Variants in ATP2B1 observed in about 807,000 individuals in gnomAD.
ATP2B1 encodes the protein ATPase plasma membrane Ca2+ transporting 1.
Under a neutral mutation model 124.2 loss-of-function variants are expected in ATP2B1, and 14 were observed. That is an observed-to-expected ratio of 0.11 (90% confidence interval 0.07 to 0.18). ATP2B1 has a LOEUF of 0.18. Among genes scored for constraint, ATP2B1 ranks in the 10% least tolerant of loss-of-function variants. The pLI is 1.00. For synonymous variants in ATP2B1, 449 were observed against 492.4 expected (o/e 0.91, Z 1.17); for missense variants, 763 against 1,466.1 (o/e 0.52, Z 7.83).
At chr12:89,681,942 A>G (rs897180756) in intron 1 of ATP2B1, among the ~76,000 whole-genome samples, 1 of 152,188 alleles carries the variant, frequency 6.6e-6, no homozygotes, top group South Asian at 2.1e-4. Context: ...AACTAGAAAC[A>G]TAAGAATTAG....
At chr12:89,653,548 C>T (rs568737659) in intron 2 of ATP2B1, among the ~76,000 whole-genome samples, 4 of 152,060 alleles carry the variant, frequency 2.6e-5, no homozygotes, top group Non-Finnish European at 4.4e-5. Flanking sequence ...CCACCCGCCT[C>T]GGCCTCCCAA....
At chr12:89,637,702 T>C (rs1882915957) in intron 3 of ATP2B1, among the ~76,000 whole-genome samples, 1 of 152,164 alleles carries the variant, frequency 6.6e-6, no homozygotes, top group South Asian at 2.1e-4. Flanking sequence ...CCCAGCTTTA[T>C]CTTTTACTTT....
chr12:89,636,027 T>C (rs1034164610), intron 3 of ATP2B1, among the ~76,000 whole-genome samples: 9 of 151,914 alleles, frequency 5.9e-5, no homozygotes, highest in Non-Finnish European at 1.2e-4. Context: ...AAGAAAAACA[T>C]AGTGATGTGC....
At chr12:89,699,558 G>A (rs934638381) in intron 1 of ATP2B1, among the ~76,000 whole-genome samples, 1 of 152,158 alleles carries the variant, frequency 6.6e-6, no homozygotes, top group African/African-American at 2.4e-5. Context: ...ATTTTCAAGA[G>A]AGAAAAATCA....
chr12:89,695,521 C>T (rs1486113965), intron 1 of ATP2B1, among the ~76,000 whole-genome samples: 2 of 151,966 alleles, frequency 1.3e-5, no homozygotes, highest in Non-Finnish European at 2.9e-5. Flanking sequence ...CCTGCCAAGA[C>T]ACCTTTAAAT....
chr12:89,615,777 CAT>C (rs1400633521), intron 12 of ATP2B1, among the ~76,000 whole-genome samples: 2 of 152,154 alleles, frequency 1.3e-5, no homozygotes, highest in Admixed American at 6.6e-5. Flanking sequence ...CTTTTAAGCA[CAT>C]GTGTTTTAGA....
At chr12:89,591,722 T>TAAA (rs1873608198) in intron 20 of ATP2B1, among the ~76,000 whole-genome samples, 1 of 152,018 alleles carries the variant, frequency 6.6e-6, no homozygotes, top group Admixed American at 6.6e-5. Context: ...GGTTACTATT[T>TAAA]ATCATGCTAG....
At chr12:89,601,883 C>T (rs968320894) in intron 18 of ATP2B1, among the ~76,000 whole-genome samples, 1 of 151,962 alleles carries the variant, frequency 6.6e-6, no homozygotes, top group Non-Finnish European at 1.5e-5. Flanking sequence ...GAAAAATGCA[C>T]AATATTAAAA....
At chr12:89,607,190 GA>G (rs895877245) in intron 15 of ATP2B1, among the ~76,000 whole-genome samples, 1 of 152,020 alleles carries the variant, frequency 6.6e-6, no homozygotes, top group Non-Finnish European at 1.5e-5. Context: ...CAGGATAAGA[GA>G]AAAAAAATTC....
chr12:89,678,874 G>A (rs1370634831), intron 1 of ATP2B1, among the ~76,000 whole-genome samples: 3 of 152,048 alleles, frequency 2.0e-5, no homozygotes, highest in Admixed American at 2.0e-4. Context: ...AATATGCTAG[G>A]CATCCACAGT....
chr12:89,676,269 T>C (rs1222675054), intron 1 of ATP2B1, among the ~76,000 whole-genome samples: 2 of 152,164 alleles, frequency 1.3e-5, no homozygotes, highest in Middle Eastern at 3.2e-3. Context: ...TACAAAATCA[T>C]GTAAGGTATT....
chr12:89,618,100 T>C (rs775401009), intron 11 of ATP2B1, among the ~76,000 whole-genome samples: 15 of 152,036 alleles, frequency 9.9e-5, no homozygotes, highest in African/African-American at 2.4e-4. Flanking sequence ...ATTTTTTTTT[T>C]CCCTCTAACC....
intron 1 of ATP2B1, among the ~76,000 whole-genome samples, chr12:89,673,907 AG>A (rs1888296734): frequency 6.6e-6 from 1 of 152,238 alleles, no homozygotes; most frequent in Non-Finnish European, 1.5e-5. Flanking sequence ...AACAGTTTAC[AG>A]CTAGTTTCTT....
At position 89,630,523 on chromosome 12, in the gene ATP2B1, T is replaced by G; in HGVS notation, c.910A>C (p.Lys304Gln). The G allele has an allele frequency of 6.4e-7, 1 of 1,571,998 alleles. No individual in the cohort carries two copies. The highest frequency in any genetic ancestry group is 8.6e-7 in the Non-Finnish European group (1 of 1,161,010). The change falls in exon 6 of 21, where the codon AAG becomes CAG. Residue 304 changes from lysine to glutamine, a missense_variant. Coordinates refer to ENST00000428670, the MANE Select transcript of ATP2B1 (RefSeq NM_001366521.1). ...GGEEEEKKDE[K>Q]KKEKKNKKQD... ...TTCTTACTTTTCTTTTCCTTTTTCT[T>G]CTCATCTTTCTTCTCTTCCTCTTCA... is the stretch of plus-strand genomic sequence containing the variant.
chr12:89,647,045 A>G (rs1884556563), intron 2 of ATP2B1, among the ~76,000 whole-genome samples: 1 of 152,240 alleles, frequency 6.6e-6, no homozygotes, highest in South Asian at 2.1e-4. Context: ...AAAGTAAAGT[A>G]TGAGATATAG....
intron 1 of ATP2B1, among the ~76,000 whole-genome samples, chr12:89,681,226 G>A (rs888463319): frequency 1.3e-5 from 2 of 152,032 alleles, no homozygotes; most frequent in African/African-American, 2.4e-5. Flanking sequence ...AAAAATGACA[G>A]AAGAGGAAAT....
At chr12:89,634,941 A>C in intron 4 of ATP2B1, 38 bp from the exon 5 acceptor site, 1 of 1,610,258 alleles carries the variant, frequency 6.2e-7, no homozygotes, top group Non-Finnish European at 8.5e-7. Flanking sequence ...CTTATAAACA[A>C]GATTACAGTA....
At chr12:89,600,452 A>G (rs1592708281) in intron 19 of ATP2B1, among the ~76,000 whole-genome samples, 1 of 152,222 alleles carries the variant, frequency 6.6e-6, no homozygotes, top group East Asian at 1.9e-4. Context: ...TAAGCTGCCT[A>G]TAGTAAATAT....
intron 1 of ATP2B1, among the ~76,000 whole-genome samples, chr12:89,689,088 C>T (rs1890267279): frequency 6.6e-6 from 1 of 152,058 alleles, no homozygotes; most frequent in South Asian, 2.1e-4. Flanking sequence ...TGGCAATAAA[C>T]AGATGCTCTT....
Sources: allele counts gnomAD v4.1 joint callset (sites outside exome capture counted in the v4.1 genomes callset), GRCh38; gene constraint gnomAD v4.1.1; transcripts MANE v1.5; gene names NCBI Gene and HGNC (gene_info 2026-07-23, HGNC 2026-07-21).